SERPINB12: variants seen among roughly 807,000 people sequenced by gnomAD.
SERPINB12 encodes serpin B12.
SERPINB12 carries 57 observed loss-of-function variants against 41.1 expected under a neutral mutation model. The ratio of observed to expected loss-of-function variants is 1.39; its 90% CI spans 1.12 to 1.73. The LOEUF (loss-of-function observed/expected upper bound fraction) is 1.73. SERPINB12 is among the 40% of genes most tolerant of loss of function. The pLI is 0.00. For missense variants in SERPINB12, 536 were observed against 501.9 expected (o/e 1.07, Z -0.65); for synonymous variants, 180 against 181.3 (o/e 0.99, Z 0.06).
At chr18:63,554,650 T>C (rs967674524) in intron 1 of SERPINB12, among the ~76,000 whole-genome samples, 2 of 152,214 alleles carry the variant, frequency 1.3e-5, no homozygotes, top group African/African-American at 2.4e-5. Context: ...ATTCTCTTGA[T>C]ACTCTGGAAT....
chr18:63,566,597 C>T lies in SERPINB12; in HGVS notation c.874-10C>T. On this transcript the variant is annotated splice_polypyrimidine_tract_variant and intron_variant, in intron 7 of 7. Coordinates refer to ENST00000382768, the MANE Select transcript of SERPINB12 (RefSeq NM_001307928.2). ...ATCTGATGCTAAATATTATTTCCTT[C>T]CTCTTGTAGCTTGAAAGGAAAATCA... The T allele has an allele frequency of 6.3e-7, 1 of 1,587,760 alleles. No individual in the cohort carries two copies.
Position 63,561,200 on chromosome 18 carries a change from A to C in SERPINB12, c.560A>C (p.Gln187Pro), listed in dbSNP as rs1466372216. 1 of 1,586,458 alleles carries C rather than the reference A, an allele frequency of 6.3e-7. No homozygotes were observed. The highest frequency in any genetic ancestry group is 8.7e-7 in the Non-Finnish European group (1 of 1,156,032). ...AACTTCTGGGTTGAATGTCAATCCC[A>C]AGGTAAGAAAGCCCAAAAGCACGGG... ...EINFWVECQS[Q>P]GKIKELFSKD... The change falls in exon 5 of 8, where the codon CAA becomes CCA. Residue 187 changes from glutamine (Q) to proline (P), a missense_variant and splice_region_variant. Coordinates refer to ENST00000382768, the MANE Select transcript of SERPINB12 (RefSeq NM_001307928.2).
At chr18:63,549,731 ACT>A (rs2144321603) in intron 1 of SERPINB12, among the ~76,000 whole-genome samples, 1 of 152,150 alleles carries the variant, frequency 6.6e-6, no homozygotes, top group Non-Finnish European at 1.5e-5. Context: ...CCTGAGATGG[ACT>A]CTCAGTGCTA....
intron 6 of SERPINB12, among the ~76,000 whole-genome samples, chr18:63,564,330 C>T (rs913785866): frequency 3.3e-5 from 5 of 152,166 alleles, no homozygotes; most frequent in South Asian, 2.1e-4. Context: ...TTCATTTGTT[C>T]CCCCAAAGAG....
At chr18:63,528,972 G>A in the SERPINB12 span, among the ~76,000 whole-genome samples, 202 of 152,274 alleles carry the variant, frequency 1.3e-3, no homozygotes, top group African/African-American at 4.5e-3. Flanking sequence ...GGTAGAAAAG[G>A]CAACTCCTGG....
At chr18:63,558,877 C>T (rs1285292584) in intron 3 of SERPINB12, among the ~76,000 whole-genome samples, 1 of 152,104 alleles carries the variant, frequency 6.6e-6, no homozygotes, top group Non-Finnish European at 1.5e-5. Flanking sequence ...TCTGCACTGA[C>T]AGACAAAACT....
At chr18:63,530,560 A>G in the SERPINB12 span, among the ~76,000 whole-genome samples, 8,521 of 152,232 alleles carry the variant, frequency 0.056, 278 homozygotes, top group South Asian at 0.11. Context: ...AATCAAAACA[A>G]TAGATGAAAG....
At chr18:63,527,787 T>C in the SERPINB12 span, among the ~76,000 whole-genome samples, 370 of 152,296 alleles carry the variant, frequency 2.4e-3, 1 homozygote, top group African/African-American at 8.6e-3. Context: ...AGAATTAAAA[T>C]TACTCAAGTA....
Position 63,569,051 on chromosome 18 carries a change from C to T in SERPINB12, c.*2040C>T, listed in dbSNP as rs1037561667. Among the ~76,000 whole-genome samples the T allele has an allele frequency of 2.0e-5, 3 of 152,202 alleles. No individual in the cohort carries two copies. The highest frequency in any genetic ancestry group is 2.1e-4 in the South Asian group (1 of 4,824). ...CCATGTCTGACTTGGCACCACTGCC[C>T]GACACGTAGCTGGAAACCATGACCT... On this transcript the variant is annotated 3_prime_UTR_variant, in exon 8 of 8. Transcript: ENST00000382768.
chr18:63,540,898 C>T (rs1173068326), upstream of SERPINB12, among the ~76,000 whole-genome samples: 1 of 152,070 alleles, frequency 6.6e-6, no homozygotes, highest in South Asian at 2.1e-4. Context: ...GTTAAAAGGA[C>T]ACAAAATTAC....
At chr18:63,529,168 G>C in the SERPINB12 span, among the ~76,000 whole-genome samples, 1 of 152,182 alleles carries the variant, frequency 6.6e-6, no homozygotes, top group Non-Finnish European at 1.5e-5. Context: ...GAATACATGT[G>C]TCTTAGTAAA....
chr18:63,540,231 G>A (rs753800508), upstream of SERPINB12, among the ~76,000 whole-genome samples: 1 of 152,166 alleles, frequency 6.6e-6, no homozygotes, highest in African/African-American at 2.4e-5. Flanking sequence ...GAGAGTGGAG[G>A]TTGGTTACTA....
the SERPINB12 span, among the ~76,000 whole-genome samples, chr18:63,532,233 C>G: frequency 2.0e-5 from 3 of 152,360 alleles, no homozygotes; most frequent in African/African-American, 7.2e-5. Flanking sequence ...GGTTGCTTAT[C>G]TCCAGCCTTG....
At chr18:63,536,630 C>T in the SERPINB12 span, among the ~76,000 whole-genome samples, 1 of 152,232 alleles carries the variant, frequency 6.6e-6, no homozygotes, top group Admixed American at 6.5e-5. Context: ...CTTTCCATTC[C>T]CCATCCATTT....
rs184279895 is a variant in SERPINB12 at position 63,549,472 on chromosome 18, A to G, written c.-18-6670A>G. On this transcript the variant is annotated intron_variant, in intron 1 of 7. Transcript: ENST00000382768. Reference sequence around the variant, plus strand: ...GAACTGCTTATCTTCTCTTTCCTATATAGCTATGGTCAGTAGGAGGTGACA... The same window carrying G: ...GAACTGCTTATCTTCTCTTTCCTATGTAGCTATGGTCAGTAGGAGGTGACA... 3.0e-3 allele frequency among the ~76,000 whole-genome samples: 453 copies of G among 152,198 alleles called. 1 individual carries two copies. Among genetic ancestry groups the G allele is most frequent in the Non-Finnish European group, 4.6e-3 (310 of 68,004 alleles).
intron 2 of SERPINB12, among the ~76,000 whole-genome samples, chr18:63,557,005 T>C (rs1910702521): frequency 6.6e-6 from 1 of 152,226 alleles, no homozygotes; most frequent in African/African-American, 2.4e-5. Flanking sequence ...ATTTCTCATC[T>C]GTTCAAAAAC....
At chr18:63,549,496 C>G (rs2144321169) in intron 1 of SERPINB12, among the ~76,000 whole-genome samples, 1 of 151,868 alleles carries the variant, frequency 6.6e-6, no homozygotes. Flanking sequence ...TAGGAGGTGA[C>G]ATTGTGGATA....
intron 7 of SERPINB12, 147 bp from the exon 8 acceptor site, chr18:63,566,459 TA>T: frequency 4.1e-6 from 3 of 727,020 alleles, no homozygotes; most frequent in Non-Finnish European, 6.9e-6. Flanking sequence ...CTTGAAGTTT[TA>T]AATGAAATCA....
the SERPINB12 span, among the ~76,000 whole-genome samples, chr18:63,521,606 A>G: frequency 1.3e-5 from 2 of 152,184 alleles, no homozygotes; most frequent in Non-Finnish European, 2.9e-5. Context: ...ACTTAGCATT[A>G]TCTTGCCCAA....
Sources: allele counts gnomAD v4.1 joint callset (sites outside exome capture counted in the v4.1 genomes callset), GRCh38; gene constraint gnomAD v4.1.1; transcripts MANE v1.5; gene names NCBI Gene and HGNC (gene_info 2026-07-23, HGNC 2026-07-21).